Variants in FILIP1 observed in about 807,000 individuals in gnomAD.
The protein encoded by FILIP1 is filamin A interacting protein 1, also known as filamin-A-interacting protein 1.
In FILIP1, 61 loss-of-function variants were observed where a neutral mutation model predicts 102.1. The ratio of observed to expected loss-of-function variants is 0.60; its 90% CI spans 0.49 to 0.74. The LOEUF (loss-of-function observed/expected upper bound fraction) is 0.74, where lower values mean the gene tolerates loss of function less well. Ranked by LOEUF, FILIP1 falls within the 30% of genes least tolerant of loss-of-function variation. The pLI, the probability that FILIP1 is intolerant of heterozygous loss-of-function variation, is 0.00. For synonymous variants in FILIP1, 491 were observed against 526.9 expected (o/e 0.93, Z 0.93); for missense variants, 1,314 against 1,441.2 (o/e 0.91, Z 1.43).
chr6:75,487,759 C>A (rs73749652), intron 1 of FILIP1, among the ~76,000 whole-genome samples: 211 of 151,906 alleles, frequency 1.4e-3, no homozygotes, highest in African/African-American at 5.0e-3. Flanking sequence ...CTTTCTTACA[C>A]CTTTTCCTTA....
intron 2 of FILIP1, among the ~76,000 whole-genome samples, chr6:75,396,151 G>A (rs980208293): frequency 5.3e-5 from 8 of 151,718 alleles, no homozygotes; most frequent in African/African-American, 1.5e-4. Flanking sequence ...ATATTCAAGG[G>A]ACTGCAGACA....
At chr6:75,351,778 C>T (rs1774817733) in intron 4 of FILIP1, among the ~76,000 whole-genome samples, 1 of 152,162 alleles carries the variant, frequency 6.6e-6, no homozygotes, top group Non-Finnish European at 1.5e-5. Context: ...CATAATGCAT[C>T]CCCTTCATTA....
At chr6:75,351,781 C>T (rs1582383691) in intron 4 of FILIP1, among the ~76,000 whole-genome samples, 1 of 152,160 alleles carries the variant, frequency 6.6e-6, no homozygotes, top group Non-Finnish European at 1.5e-5. Flanking sequence ...AATGCATCCC[C>T]TTCATTAAGT....
intron 1 of FILIP1, among the ~76,000 whole-genome samples, chr6:75,479,258 A>T (rs1039433485): frequency 7.2e-5 from 11 of 152,192 alleles, no homozygotes; most frequent in Non-Finnish European, 1.6e-4. Context: ...GCATGTGTTT[A>T]GATTTTTTTA....
chr6:75,483,712 A>T (rs145189957), intron 1 of FILIP1, among the ~76,000 whole-genome samples: 4 of 152,282 alleles, frequency 2.6e-5, no homozygotes, highest in African/African-American at 7.2e-5. Flanking sequence ...AGGTCACCAT[A>T]ACCAGCTGCA....
chr6:75,440,363 CA>C (rs1395492207), intron 1 of FILIP1, among the ~76,000 whole-genome samples: 1 of 152,128 alleles, frequency 6.6e-6, no homozygotes, highest in African/African-American at 2.4e-5. Context: ...CATGGCAAAT[CA>C]ATTAGGTTTA....
chr6:75,485,524 T>C (rs933209123), intron 1 of FILIP1, among the ~76,000 whole-genome samples: 1 of 152,210 alleles, frequency 6.6e-6, no homozygotes, highest in Non-Finnish European at 1.5e-5. Flanking sequence ...ACCTGGGATA[T>C]GTGATACCCT....
At chr6:75,329,799 T>C (rs1020319917) in intron 4 of FILIP1, among the ~76,000 whole-genome samples, 2 of 152,188 alleles carry the variant, frequency 1.3e-5, no homozygotes, top group Non-Finnish European at 2.9e-5. Flanking sequence ...TGTGGGTACA[T>C]AGTAGGTATA....
intron 1 of FILIP1, among the ~76,000 whole-genome samples, chr6:75,441,331 A>G (rs528507482): frequency 5.6e-4 from 85 of 152,312 alleles, no homozygotes; most frequent in African/African-American, 1.9e-3. Flanking sequence ...TCCCAAGGCA[A>G]AAGAATTTTT....
At chr6:75,355,391 A>ATTTT (rs397885759) in intron 3 of FILIP1, among the ~76,000 whole-genome samples, 2 of 131,338 alleles carry the variant, frequency 1.5e-5, no homozygotes, top group African/African-American at 5.8e-5. Context: ...AGGTTATAAG[A>ATTTT]TTTTTTTTTT....
At position 75,312,473 on chromosome 6, in the gene FILIP1, G is replaced by C. The variant is rs754821014; in HGVS notation, c.3359C>G (p.Pro1120Arg). 1 of 1,614,184 alleles carries C rather than the reference G, an allele frequency of 6.2e-7. No homozygotes were observed. Among genetic ancestry groups the C allele is most frequent in the East Asian group, 2.2e-5 (1 of 44,886 alleles). Residue 1120 changes from proline (P) to arginine (R), a missense_variant, in exon 5 of 6, where the codon CCT becomes CGT. By Grantham distance (103) the Pro-to-Arg change is moderately radical. Around this residue, in one of 3 missense-constraint regions of FILIP1, gnomAD observed 816 missense variants for 913.1 expected, o/e 0.89. Coordinates refer to ENST00000237172, the MANE Select transcript of FILIP1 (RefSeq NM_015687.5). ...AGTGCTCGTCACTTTGCTTGCACCA[G>C]GCCGTGAGGAGAGGTGATTCCTGGG... ...RSPRNHLSSR[P>R]GASKVTSTIT...
chr6:75,398,917 T>C (rs1279659507), intron 2 of FILIP1: 2 of 152,104 alleles, frequency 1.3e-5, no homozygotes, highest in African/African-American at 4.8e-5. Context: ...AGATGGGCCA[T>C]CAATGAAAAA....
chr6:75,314,094 T>G lies in FILIP1; in HGVS notation c.1738A>C (p.Lys580Gln). ...RERDELIGKLKSEEEKSSELS... is the reference protein window; with the variant it reads ...RERDELIGKLQSEEEKSSELS... ...TCAGAGGATTTTTCTTCTTCACTTTTCAATTTGCCTATCAACTCATCTCTT... is the reference window on the plus strand; with the variant it reads ...TCAGAGGATTTTTCTTCTTCACTTTGCAATTTGCCTATCAACTCATCTCTT... The change falls in exon 5 of 6, where the codon AAA becomes CAA. Residue 580 changes from lysine (K) to glutamine (Q), a missense_variant. Around this residue, in one of 3 missense-constraint regions of FILIP1, gnomAD observed 816 missense variants for 913.1 expected, o/e 0.89. Transcript: ENST00000237172. 6.6e-7 allele frequency: 1 copy of G among 1,504,360 alleles called. No homozygotes were observed. 93.2% of individuals were successfully genotyped at this position (1,504,360 alleles called of 1,614,324 possible).
chr6:75,313,514 G>A lies in FILIP1; in HGVS notation c.2318C>T (p.Thr773Ile). Residue 773 changes from threonine (T) to isoleucine (I), a missense_variant, in exon 5 of 6, where the codon ACC becomes ATC. Thr to Ile is a moderately conservative substitution (Grantham distance 89, BLOSUM62 -1). Transcript: ENST00000237172. This position sits in a 1 kb window ranked among gnomAD's most constrained non-coding sequence, Gnocchi z 4.2. ...KNMGQEVLNL[T>I]KELELSKRYS... ...GCGCTTGGAAAGCTCCAACTCTTTGGTCAGATTGAGAACCTCCTGCCCCAT... is the reference window on the plus strand; with the variant it reads ...GCGCTTGGAAAGCTCCAACTCTTTGATCAGATTGAGAACCTCCTGCCCCAT... 6.2e-7 allele frequency: 1 copy of A among 1,614,172 alleles called. No individual in the cohort carries two copies. The highest frequency in any genetic ancestry group is 8.5e-7 in the Non-Finnish European group (1 of 1,180,034).
intron 1 of FILIP1, among the ~76,000 whole-genome samples, chr6:75,480,730 G>A (rs1416450924): frequency 3.9e-5 from 6 of 152,196 alleles, no homozygotes; most frequent in African/African-American, 1.4e-4. Flanking sequence ...CATATTGAGA[G>A]TAGTCACTGT....
downstream of FILIP1, among the ~76,000 whole-genome samples, chr6:75,305,093 T>C (rs763848286): frequency 2.0e-5 from 3 of 151,990 alleles, no homozygotes; most frequent in Non-Finnish European, 4.4e-5. Context: ...AACAAAGAAA[T>C]AACCAATGAT....
chr6:75,489,153 TA>T (rs1283129918), intron 1 of FILIP1, among the ~76,000 whole-genome samples: 1 of 152,138 alleles, frequency 6.6e-6, no homozygotes, highest in Non-Finnish European at 1.5e-5. Context: ...GCACTGTGTA[TA>T]AACACACTTT....
chr6:75,370,469 C>T (rs1048291706), intron 2 of FILIP1, among the ~76,000 whole-genome samples: 13 of 151,960 alleles, frequency 8.6e-5, no homozygotes, highest in Admixed American at 2.6e-4. Context: ...TCAGAACAAC[C>T]TTAACTACTT....
chr6:75,362,797 G>C lies in FILIP1; in HGVS notation c.397C>G (p.Leu133Val). Residue 133 changes from leucine to valine, a missense_variant, in exon 3 of 6, where the codon CTT becomes GTT. Physicochemically the swap from Leu to Val is conservative, Grantham distance 32. Around this residue, in one of 3 missense-constraint regions of FILIP1, gnomAD observed 494 missense variants for 511.2 expected, o/e 0.97. Coordinates refer to ENST00000237172, the MANE Select transcript of FILIP1 (RefSeq NM_015687.5). Reference protein sequence around the residue: ...VLRVLHRDAILAQEKSIGEDV... With the variant: ...VLRVLHRDAIVAQEKSIGEDV... ...TCTCCTATGGATTTCTCCTGGGCAAGAATGGCATCTCGGTGCAGGACCCGC... is the reference window on the plus strand; with the variant it reads ...TCTCCTATGGATTTCTCCTGGGCAACAATGGCATCTCGGTGCAGGACCCGC... The C allele has an allele frequency of 1.9e-6, 3 of 1,613,942 alleles. No homozygotes were observed. Among genetic ancestry groups the C allele is most frequent in the Non-Finnish European group, 2.5e-6 (3 of 1,180,034 alleles).
Sources: allele counts gnomAD v4.1 joint callset (sites outside exome capture counted in the v4.1 genomes callset), GRCh38; gene constraint gnomAD v4.1.1; regional missense constraint gnomAD v4.1.1; non-coding constraint Gnocchi (gnomAD v3.1); transcripts MANE v1.5; gene names NCBI Gene and HGNC (gene_info 2026-07-23, HGNC 2026-07-21).